Variants in RP2 observed in about 807,000 individuals in gnomAD.
RP2 encodes RP2 activator of ARL3 GTPase.
RP2 carries 3 observed loss-of-function variants against 20.3 expected under a neutral mutation model. The observed-to-expected ratio is 0.15, with a 90% CI of 0.07 to 0.38. The LOEUF (loss-of-function observed/expected upper bound fraction) is 0.38, where lower values mean the gene tolerates loss of function less well. Among genes scored for constraint, RP2 ranks in the 10% least tolerant of loss-of-function variants. The pLI is 1.00. For missense variants in RP2, 233 were observed against 268.5 expected (o/e 0.87, Z 0.92); for synonymous variants, 75 against 94.8 (o/e 0.79, Z 1.22).
chrX:46,848,196 C>G (rs781803483), intron 1 of RP2, among the ~76,000 whole-genome samples: 26 of 108,588 alleles, frequency 2.4e-4, no homozygotes, highest in African/African-American at 8.7e-4. Context: ...ATTATTTTAT[C>G]TCACATTATC....
chrX:46,854,123 C>T lies in RP2; in HGVS notation c.750C>T (p.Ala250=), dbSNP rs782562995. ...LFAGDYTIAN[A]RKLIDEMVGK... is the part of the protein sequence containing the mutation. Reference sequence around the variant, plus strand: ...CTGGTGATTACACTATTGCAAATGCCAGAAAACTAATTGATGAGGTAAGGA... The same window carrying T: ...CTGGTGATTACACTATTGCAAATGCTAGAAAACTAATTGATGAGGTAAGGA... The change falls in exon 2 of 5, where the codon GCC becomes GCT. Residue 250 remains alanine, a synonymous_variant. Transcript: ENST00000218340. The T allele has an allele frequency of 1.2e-5, 15 of 1,207,723 alleles. No individual in the cohort carries two copies. The highest frequency in any genetic ancestry group is 1.8e-5 in the South Asian group (1 of 56,784).
At chrX:46,845,142 C>T (rs1407327580) in intron 1 of RP2, among the ~76,000 whole-genome samples, 1 of 111,507 alleles carries the variant, frequency 9.0e-6, no homozygotes, top group Non-Finnish European at 1.9e-5. Flanking sequence ...CAGAGGCTAC[C>T]CTTTAGCTTT....
chrX:46,855,561 G>A (rs944886154), intron 2 of RP2, among the ~76,000 whole-genome samples: 23 of 110,316 alleles, frequency 2.1e-4, no homozygotes, highest in African/African-American at 6.9e-4. Flanking sequence ...TCTGCCTCCC[G>A]GGTTTAAGCG....
At position 46,880,601 on chromosome X, in the gene RP2, C is replaced by T. The variant is rs1358528195; in HGVS notation, c.*832C>T. ...TTGTGGGCTATCAAGAGAATTGGAACAAAACCTTGTGACTTTTAGGTAAGA... is the reference window on the plus strand; with the variant it reads ...TTGTGGGCTATCAAGAGAATTGGAATAAAACCTTGTGACTTTTAGGTAAGA... On this transcript the variant is annotated 3_prime_UTR_variant, in exon 5 of 5. Transcript: ENST00000218340. 1 of 111,753 alleles carries T rather than the reference C, an allele frequency of 8.9e-6. No homozygotes were observed. The highest frequency in any genetic ancestry group is 9.6e-5 in the Admixed American group (1 of 10,446). 9.2% of individuals were successfully genotyped at this position (111,753 alleles called of 1,213,427 possible). A position where few individuals can be genotyped will look rare whatever the true frequency, so the allele number is the denominator to read the frequency against.
At position 46,837,193 on chromosome X, in the gene RP2, G is replaced by C. The variant is rs1556313543; in HGVS notation, c.93G>C (p.Gln31His). The C allele has an allele frequency of 8.6e-7, 1 of 1,168,470 alleles. No individual in the cohort carries two copies. Reference sequence around the variant, plus strand: ...GGCCAAAGCAGTACAGCTGGGATCAGCGCGAGAAGGTAATGAAAGTCGTGT... The same window carrying C: ...GGCCAAAGCAGTACAGCTGGGATCACCGCGAGAAGGTAATGAAAGTCGTGT... ...EERPKQYSWD[Q>H]REKVDPKDYM... Residue 31 changes from glutamine to histidine, a missense_variant, in exon 1 of 5, where the codon CAG (glutamine) becomes CAC (histidine). Physicochemically the swap from Gln to His is conservative, Grantham distance 24 (BLOSUM62 0). Coordinates refer to ENST00000218340, the MANE Select transcript of RP2 (RefSeq NM_006915.3).
chrX:46,872,656 A>C (rs1214192733), intron 3 of RP2, among the ~76,000 whole-genome samples: 1 of 111,751 alleles, frequency 8.9e-6, no homozygotes, highest in Non-Finnish European at 1.9e-5. Flanking sequence ...GTCATATATT[A>C]CTGTTGTATA....
rs1387282673 is a variant in RP2 at position 46,881,034 on chromosome X, T to A, written c.*1265T>A. On this transcript the variant is annotated 3_prime_UTR_variant, in exon 5 of 5. Coordinates refer to ENST00000218340, the MANE Select transcript of RP2 (RefSeq NM_006915.3). The stretch of plus-strand genomic sequence containing the variant: ...TTTTTAAAAGGAATCTGAAATTTAA[T>A]TCTATTTTGATAAAACTAAGACTGA... 3.6e-5 allele frequency: 4 copies of A among 112,153 alleles called. No individual in the cohort carries two copies. Among genetic ancestry groups the A allele is most frequent in the Non-Finnish European group, 5.6e-5 (3 of 53,259 alleles). The allele number at this position is 112,153 out of a possible 1,213,427, so 9.2% of individuals were successfully genotyped here.
chrX:46,846,457 T>G (rs1335231318), intron 1 of RP2, among the ~76,000 whole-genome samples: 2 of 109,535 alleles, frequency 1.8e-5, no homozygotes, highest in Non-Finnish European at 3.8e-5. Context: ...CAGAGTGGCA[T>G]ATGCCTGTAG....
chrX:46,876,907 A>AAG (rs1925380883), intron 3 of RP2, among the ~76,000 whole-genome samples: 1 of 112,454 alleles, frequency 8.9e-6, no homozygotes, highest in Admixed American at 9.5e-5. Context: ...ATGTATGAGA[A>AAG]AGGAGGCACA....
chrX:46,852,830 A>G (rs1428728514), intron 1 of RP2, among the ~76,000 whole-genome samples: 1 of 110,828 alleles, frequency 9.0e-6, no homozygotes. Flanking sequence ...TGATCCTCCC[A>G]CCTCGGCCTC....
At chrX:46,837,823 G>C (rs1464310596) in intron 1 of RP2, among the ~76,000 whole-genome samples, 1 of 112,043 alleles carries the variant, frequency 8.9e-6, no homozygotes, top group African/African-American at 3.2e-5. Flanking sequence ...CATCAGTCTT[G>C]GAATGTGTAT....
rs201501123 is a variant in RP2 at position 46,856,501 on chromosome X, CA to C, written c.768+2362del. ...AAATGAATTAACTCAATACTCAAAA[CA>C]ACTCTATGAAATAGGTGCTATTATT... On this transcript the variant is annotated intron_variant, in intron 2 of 4. Transcript: ENST00000218340. Among the ~76,000 whole-genome samples the C allele has an allele frequency of 2.5e-4, 28 of 112,311 alleles. No homozygotes were observed. In the East Asian group the frequency reaches 7.7e-3, roughly 31 times the overall value.
chrX:46,862,205 C>T, intron 3 of RP2, among the ~76,000 whole-genome samples: 1 of 110,210 alleles, frequency 9.1e-6, no homozygotes. Flanking sequence ...AACCCTGTCT[C>T]TACTAAAAAT....
intron 3 of RP2, among the ~76,000 whole-genome samples, chrX:46,868,211 A>G (rs1925210705): frequency 8.9e-6 from 1 of 112,068 alleles, no homozygotes; most frequent in Non-Finnish European, 1.9e-5. Flanking sequence ...ATTTTGAAAC[A>G]ATTTTAGATT....
At chrX:46,866,866 C>G (rs1238271376) in intron 3 of RP2, among the ~76,000 whole-genome samples, 1 of 111,429 alleles carries the variant, frequency 9.0e-6, no homozygotes, top group African/African-American at 3.3e-5. Flanking sequence ...CTTATCACCC[C>G]AGTACCATGG....
intron 2 of RP2, among the ~76,000 whole-genome samples, chrX:46,856,298 A>G (rs1005208376): frequency 1.3e-4 from 15 of 111,727 alleles, no homozygotes; most frequent in African/African-American, 4.9e-4. Context: ...TAACCTTTTA[A>G]CCTTTGGTAT....
chrX:46,873,345 C>T (rs916513279), intron 3 of RP2, among the ~76,000 whole-genome samples: 2 of 111,660 alleles, frequency 1.8e-5, no homozygotes, highest in East Asian at 5.6e-4. Flanking sequence ...TCTAAAGCTA[C>T]CATGAACTCT....
At chrX:46,850,206 G>A (rs1466088319) in intron 1 of RP2, among the ~76,000 whole-genome samples, 1 of 112,080 alleles carries the variant, frequency 8.9e-6, no homozygotes, top group Non-Finnish European at 1.9e-5. Context: ...TTCTTGCTGT[G>A]TCCTCACATG....
intron 3 of RP2, among the ~76,000 whole-genome samples, chrX:46,870,647 T>C (rs1167556739): frequency 8.9e-6 from 1 of 112,098 alleles, no homozygotes; most frequent in Non-Finnish European, 1.9e-5. Flanking sequence ...CACTTTCTTA[T>C]ACTACAATAG....
Sources: gnomAD v4.1 joint callset for allele counts (sites outside exome capture counted in the v4.1 genomes callset) on GRCh38, gnomAD v4.1.1 for gene constraint, MANE v1.5 for transcripts, NCBI Gene and HGNC (gene_info 2026-07-23, HGNC 2026-07-21) for gene names.